Variants in GRM5 observed in about 807,000 individuals in gnomAD.
GRM5 encodes glutamate metabotropic receptor 5.
A neutral mutation model predicts 83.1 loss-of-function variants in GRM5; 19 were observed. The ratio of observed to expected loss-of-function variants is 0.23; its 90% confidence interval spans 0.16 to 0.34. The LOEUF (loss-of-function observed/expected upper bound fraction) is 0.34. GRM5 is among the 10% of genes least tolerant of loss of function. The pLI is 1.00. For synonymous variants in GRM5, 675 were observed against 633.6 expected, an observed-to-expected ratio of 1.07 and a Z score of -0.98; for missense variants, 1,160 against 1,588.3, an observed-to-expected ratio of 0.73 and a Z score of 4.58.
intron 3 of GRM5, among the ~76,000 whole-genome samples, chr11:88,681,184 A>C (rs920797018): frequency 4.6e-5 from 7 of 152,022 alleles, no homozygotes; most frequent in Non-Finnish European, 1.0e-4. Flanking sequence ...AATTCTCAAA[A>C]TCTTTTTTTA....
At chr11:88,957,305 C>T (rs1938650019) in intron 2 of GRM5, among the ~76,000 whole-genome samples, 1 of 152,172 alleles carries the variant, frequency 6.6e-6, no homozygotes. Flanking sequence ...GGAGAAGAGA[C>T]TAAAGAACAT....
intron 4 of GRM5, among the ~76,000 whole-genome samples, chr11:88,640,367 A>G (rs1319861948): frequency 6.6e-6 from 1 of 152,204 alleles, no homozygotes; most frequent in Admixed American, 6.5e-5. Flanking sequence ...GAGTTCTGAG[A>G]GTAAAAACTT....
intron 2 of GRM5, among the ~76,000 whole-genome samples, chr11:88,869,582 T>C (rs1944727499): frequency 6.6e-6 from 1 of 151,494 alleles, no homozygotes; most frequent in Non-Finnish European, 1.5e-5. Flanking sequence ...ATAATTTTAT[T>C]TTAGATTTAT....
At chr11:88,566,965 G>A (rs909453180) in intron 8 of GRM5, 88 bp downstream of exon 8, 1 of 824,730 alleles carries the variant, frequency 1.2e-6, no homozygotes, top group African/African-American at 1.7e-5. Flanking sequence ...CATTTACCCA[G>A]ATTTCTCCCA....
chr11:88,943,731 C>CT (rs1938187558), intron 2 of GRM5, among the ~76,000 whole-genome samples: 1 of 151,548 alleles, frequency 6.6e-6, no homozygotes, highest in Admixed American at 6.6e-5. Flanking sequence ...ATTGAATTTG[C>CT]TTTTACCTCA....
At chr11:88,554,594 C>G (rs1942583404) in intron 8 of GRM5, among the ~76,000 whole-genome samples, 1 of 152,162 alleles carries the variant, frequency 6.6e-6, no homozygotes, top group Non-Finnish European at 1.5e-5. Flanking sequence ...TGCTGAGATA[C>G]TAGCCAACTT....
chr11:88,944,617 T>G (rs11823876), intron 2 of GRM5, among the ~76,000 whole-genome samples: 5,120 of 151,894 alleles, frequency 0.034, 286 homozygotes, highest in African/African-American at 0.11. Context: ...CCAGATAACC[T>G]GTTTTTTTAA....
chr11:88,536,832 G>A (rs906928710), intron 8 of GRM5, among the ~76,000 whole-genome samples: 2 of 152,118 alleles, frequency 1.3e-5, no homozygotes, highest in Admixed American at 1.3e-4. Flanking sequence ...TTGGATCTTG[G>A]CAGTCATAAA....
At chr11:88,938,062 C>A (rs527671633) in intron 2 of GRM5, among the ~76,000 whole-genome samples, 2 of 151,714 alleles carry the variant, frequency 1.3e-5, no homozygotes, top group South Asian at 4.1e-4. Context: ...TCACGACCAA[C>A]AAGGAAAATG....
chr11:88,741,413 T>C (rs1259514425), intron 3 of GRM5, among the ~76,000 whole-genome samples: 1 of 152,106 alleles, frequency 6.6e-6, no homozygotes, highest in African/African-American at 2.4e-5. Context: ...CTAAACTTCA[T>C]TTGATGGGGC....
At chr11:88,596,282 G>A (rs1937803168) in intron 6 of GRM5, among the ~76,000 whole-genome samples, 2 of 151,994 alleles carry the variant, frequency 1.3e-5, no homozygotes, top group Non-Finnish European at 2.9e-5. Flanking sequence ...CCTAATTCAA[G>A]GCCTTGTTAC....
intron 3 of GRM5, among the ~76,000 whole-genome samples, chr11:88,744,163 C>T (rs1350148605): frequency 6.6e-6 from 1 of 152,048 alleles, no homozygotes. Context: ...AACTTTGCGT[C>T]TTCTTTCAGT....
chr11:88,876,251 T>C (rs1183806229), intron 2 of GRM5, among the ~76,000 whole-genome samples: 2 of 152,134 alleles, frequency 1.3e-5, no homozygotes, highest in Non-Finnish European at 1.5e-5. Context: ...ATGGCTACTT[T>C]CCTTACACTC....
chr11:89,046,295 T>C (rs1369713360), intron 2 of GRM5, among the ~76,000 whole-genome samples: 2 of 152,198 alleles, frequency 1.3e-5, no homozygotes, highest in Non-Finnish European at 2.9e-5. Flanking sequence ...TTTAAGAATC[T>C]CAACAAATAC....
chr11:88,593,744 C>T (rs1259505357), intron 6 of GRM5, among the ~76,000 whole-genome samples: 1 of 145,608 alleles, frequency 6.9e-6, no homozygotes, highest in African/African-American at 2.5e-5. Flanking sequence ...CTCCCTCCCT[C>T]CTTCGCTCCC....
At chr11:89,044,092 C>T (rs1040482007) in intron 2 of GRM5, among the ~76,000 whole-genome samples, 3 of 152,124 alleles carry the variant, frequency 2.0e-5, no homozygotes, top group African/African-American at 7.2e-5. Flanking sequence ...AATCCTGTGT[C>T]ATCGTGGGCA....
chr11:88,922,093 CA>C (rs2135630412), intron 2 of GRM5, among the ~76,000 whole-genome samples: 1 of 152,066 alleles, frequency 6.6e-6, no homozygotes, highest in South Asian at 2.1e-4. Flanking sequence ...GAAGATGATA[CA>C]AAAAAGGTGA....
chr11:89,051,209 T>C (rs538355327), intron 1 of GRM5, among the ~76,000 whole-genome samples: 7 of 151,246 alleles, frequency 4.6e-5, no homozygotes, highest in South Asian at 4.2e-4. Context: ...TGAGTGGAGA[T>C]TGCGCCACTG....
chr11:88,965,060 A>G (rs180950044), intron 2 of GRM5, among the ~76,000 whole-genome samples: 154 of 152,334 alleles, frequency 1.0e-3, no homozygotes, highest in African/African-American at 3.6e-3. Flanking sequence ...AGCATTTTCT[A>G]TAGGTGTTAT....
Sources: allele counts gnomAD v4.1 joint callset (sites outside exome capture counted in the v4.1 genomes callset), GRCh38; gene constraint gnomAD v4.1.1; transcripts MANE v1.5; gene names NCBI Gene and HGNC (gene_info 2026-07-23, HGNC 2026-07-21).